The following DOCK7 variants were observed in gnomAD, a reference collection of about 807,000 sequenced individuals.
The protein encoded by DOCK7 is dedicator of cytokinesis protein 7.
Under a neutral mutation model 271.0 loss-of-function variants are expected in DOCK7, and 138 were observed. The observed-to-expected ratio is 0.51, with a 90% CI of 0.44 to 0.59. The LOEUF (loss-of-function observed/expected upper bound fraction) is 0.59. DOCK7 is among the 20% of genes least tolerant of loss of function. The pLI is 0.00. For missense variants in DOCK7, 2,066 were observed against 2,592.4 expected (o/e 0.80, Z 4.41); for synonymous variants, 823 against 876.1 (o/e 0.94, Z 1.07).
chr1:62,604,699 C>G (rs1266824991), intron 14 of DOCK7: 2 of 1,612,982 alleles, frequency 1.2e-6, no homozygotes, highest in East Asian at 4.5e-5. Context: ...AAACCAAGAG[C>G]AAAATCTAAG....
intron 21 of DOCK7, 97 bp from the exon 22 acceptor site, chr1:62,552,998 C>G: frequency 2.6e-6 from 2 of 777,706 alleles, no homozygotes; most frequent in South Asian, 4.5e-5. Flanking sequence ...CCACAAAGAT[C>G]ATGAATTGCT....
At chr1:62,495,406 ATATGG>A in intron 39 of DOCK7, 170 bp downstream of exon 39, 1 of 401,462 alleles carries the variant, frequency 2.5e-6, no homozygotes. Context: ...AGCCTGGGCA[ATATGG>A]TAAAACCCCA....
chr1:62,480,810 C>A (rs996628097), intron 43 of DOCK7, among the ~76,000 whole-genome samples: 41 of 152,086 alleles, frequency 2.7e-4, no homozygotes, highest in African/African-American at 6.8e-4. Flanking sequence ...GAGATCGAGA[C>A]CACCCTGGCT....
chr1:62,666,405 G>T, intron 1 of DOCK7, among the ~76,000 whole-genome samples: 1 of 152,018 alleles, frequency 6.6e-6, no homozygotes, highest in Non-Finnish European at 1.5e-5. Flanking sequence ...CTTTCTACAT[G>T]ACATTAATTT....
intron 31 of DOCK7, 80 bp from the exon 32 acceptor site, chr1:62,513,978 A>G: frequency 7.8e-7 from 1 of 1,281,406 alleles, no homozygotes; most frequent in Non-Finnish European, 1.1e-6. Flanking sequence ...GTTTTCTTCT[A>G]AAAACAATAA....
chr1:62,570,890 T>C (rs1646750704), intron 18 of DOCK7, among the ~76,000 whole-genome samples: 1 of 152,134 alleles, frequency 6.6e-6, no homozygotes. Flanking sequence ...CCTTACACCT[T>C]ATACAAAAAT....
At chr1:62,494,839 CAA>C (rs1646574540) in intron 39 of DOCK7, 1 of 162,328 alleles carries the variant, frequency 6.2e-6, no homozygotes, top group African/African-American at 2.4e-5. Flanking sequence ...TACTTTATTT[CAA>C]AGAGATTAAA....
In DOCK7 at chr1:62,580,353, C is replaced by T. The variant is rs150870264; in HGVS notation, c.1872-1387G>A. On this transcript the variant is annotated intron_variant, in intron 16 of 49. Transcript: ENST00000635253. ...GACACTAGGCATCTTATTACCAATC[C>T]CACCAAATCACCACTGAATTATGAG... is the stretch of plus-strand genomic sequence containing the variant. 3.8e-3 allele frequency among the ~76,000 whole-genome samples: 573 copies of T among 152,136 alleles called. 6 individuals carry two copies. Among genetic ancestry groups the T allele is most frequent in the African/African-American group, 0.012 (519 of 41,526 alleles).
At chr1:62,472,963 G>C (rs1014415668) in intron 48 of DOCK7, among the ~76,000 whole-genome samples, 4 of 152,160 alleles carry the variant, frequency 2.6e-5, no homozygotes, top group African/African-American at 9.7e-5. Flanking sequence ...GACTGGCAGA[G>C]GACCCGTTGA....
chr1:62,565,571 A>C (rs1169650776), intron 18 of DOCK7, among the ~76,000 whole-genome samples: 1 of 152,174 alleles, frequency 6.6e-6, no homozygotes, highest in Non-Finnish European at 1.5e-5. Context: ...CAAAATAATA[A>C]GAGCTATTTA....
At chr1:62,616,578 A>C (rs1652467335) in intron 14 of DOCK7, among the ~76,000 whole-genome samples, 1 of 151,788 alleles carries the variant, frequency 6.6e-6, no homozygotes, top group African/African-American at 2.4e-5. Context: ...TGAAGTAAGA[A>C]GGCTTGGGTT....
chr1:62,672,041 A>G (rs1264577200), intron 1 of DOCK7, among the ~76,000 whole-genome samples: 3 of 152,038 alleles, frequency 2.0e-5, no homozygotes, highest in Non-Finnish European at 4.4e-5. Context: ...AAACTTAGGA[A>G]GAAAAAATTT....
intron 44 of DOCK7, chr1:62,476,970 G>A (rs149238944): frequency 6.6e-6 from 1 of 152,220 alleles, no homozygotes; most frequent in African/African-American, 2.4e-5. Context: ...ATAAAAACAA[G>A]CCCAGAGCAC....
chr1:62,544,443 CTTAT>C (rs1645634154), intron 23 of DOCK7, among the ~76,000 whole-genome samples: 1 of 152,136 alleles, frequency 6.6e-6, no homozygotes, highest in Non-Finnish European at 1.5e-5. Flanking sequence ...GGTATTGAGT[CTTAT>C]AGCACGGGGA....
chr1:62,615,562 G>A (rs1316162598), intron 14 of DOCK7, among the ~76,000 whole-genome samples: 2 of 151,696 alleles, frequency 1.3e-5, no homozygotes, highest in Non-Finnish European at 3.0e-5. Flanking sequence ...AATTCATTTT[G>A]ATGAAAAACA....
chr1:62,507,633 T>C (rs908764754), intron 35 of DOCK7, among the ~76,000 whole-genome samples: 13 of 152,342 alleles, frequency 8.5e-5, no homozygotes, highest in African/African-American at 2.9e-4. Context: ...CCAGTTTATC[T>C]ATATGTAGCT....
At chr1:62,665,039 T>C (rs149637410) in intron 1 of DOCK7, among the ~76,000 whole-genome samples, 232 of 152,284 alleles carry the variant, frequency 1.5e-3, no homozygotes, top group African/African-American at 5.4e-3. Context: ...CATGCTGGAG[T>C]GCAGTGGCGC....
At position 62,487,685 on chromosome 1, in the gene DOCK7, G is replaced by GTAAGT. The variant is rs140251277; in HGVS notation, c.5494-274_5494-273insACTTA. On this transcript the variant is annotated intron_variant, in intron 42 of 49. Transcript: ENST00000635253. ...CAGCTTGTTCCATTTACATGTTTAA[G>GTAAGT]TAAGATCTCTAACTAAGGTGAGCTG... is the stretch of plus-strand genomic sequence containing the variant. 9.2e-3 allele frequency: 3,142 copies of GTAAGT among 340,326 alleles called. 88 individuals carry two copies. Among genetic ancestry groups the GTAAGT allele is most frequent in the African/African-American group, 0.06 (2,866 of 48,020 alleles). The allele number at this position is 340,326 out of a possible 1,614,324, so 21.1% of individuals were successfully genotyped here. A position where few individuals can be genotyped will look rare whatever the true frequency, so the allele number is the denominator to read the frequency against.
intron 1 of DOCK7, among the ~76,000 whole-genome samples, chr1:62,678,707 T>C (rs954722850): frequency 6.6e-6 from 1 of 152,106 alleles, no homozygotes; most frequent in African/African-American, 2.4e-5. Flanking sequence ...AGATTTTTTT[T>C]TAAAGGTGGA....
Sources: allele counts gnomAD v4.1 joint callset (sites outside exome capture counted in the v4.1 genomes callset), GRCh38; gene constraint gnomAD v4.1.1; transcripts MANE v1.5; gene names NCBI Gene and HGNC (gene_info 2026-07-23, HGNC 2026-07-21).